SMIM3: variants seen among roughly 807,000 people sequenced by gnomAD.
SMIM3 encodes NGF-induced differentiation clone 67 protein.
Under a neutral mutation model 2.1 loss-of-function variants are expected in SMIM3, and 4 were observed. The observed-to-expected ratio is 1.89, with a 90% CI of 0.93 to 4.31. The LOEUF is 4.31. Ranked by LOEUF, SMIM3 falls within the 30% of genes most tolerant of loss-of-function variation. The pLI is 0.01. For missense variants in SMIM3, 79 were observed against 77.7 expected, an observed-to-expected ratio of 1.02 and a Z score of -0.06; for synonymous variants, 29 against 30.8, an observed-to-expected ratio of 0.94 and a Z score of 0.19.
chr5:150,781,811 G>A (rs1008817546), intron 1 of SMIM3, among the ~76,000 whole-genome samples: 1 of 152,200 alleles, frequency 6.6e-6, no homozygotes, highest in Admixed American at 6.5e-5. Context: ...TTGTTAGCCC[G>A]ACACACAGCA....
At chr5:150,791,808 T>C (rs1454303905) in intron 1 of SMIM3, among the ~76,000 whole-genome samples, 1 of 152,218 alleles carries the variant, frequency 6.6e-6, no homozygotes, top group African/African-American at 2.4e-5. Flanking sequence ...GACTCTATTT[T>C]CAATTATTTG....
rs1753401153 is a variant in SMIM3, at chr5:150,796,024, T to C, written c.*401T>C. ...GGAGATACTGGGGGCAGAGCAGACT[T>C]TGCCAGTGCCCCTCAGGTCAAACCA... is the stretch of plus-strand genomic sequence containing the variant. On this transcript the variant is annotated 3_prime_UTR_variant, in exon 2 of 2. Coordinates refer to ENST00000526627, the MANE Select transcript of SMIM3 (RefSeq NM_032947.5). 1 of 188,840 alleles carries C rather than the reference T, an allele frequency of 5.3e-6. No individual in the cohort carries two copies. The highest frequency in any genetic ancestry group is 2.4e-5 in the African/African-American group (1 of 42,492). 11.7% of individuals were successfully genotyped at this position (188,840 alleles called of 1,614,324 possible). A position where few individuals can be genotyped will look rare whatever the true frequency, so the allele number is the denominator to read the frequency against.
At chr5:150,787,611 T>G (rs940288910) in intron 1 of SMIM3, among the ~76,000 whole-genome samples, 1 of 152,208 alleles carries the variant, frequency 6.6e-6, no homozygotes, top group Non-Finnish European at 1.5e-5. Context: ...CACTTAGCTT[T>G]ATGATCAATG....
intron 1 of SMIM3, among the ~76,000 whole-genome samples, chr5:150,792,637 C>G (rs1753360603): frequency 6.6e-6 from 1 of 152,168 alleles, no homozygotes; most frequent in African/African-American, 2.4e-5. Context: ...TGGGCTCAAG[C>G]AATCCTTCCA....
At position 150,779,594 on chromosome 5, in the gene SMIM3, C is replaced by T. The variant is rs146123263; in HGVS notation, c.-12+622C>T. Among the ~76,000 whole-genome samples the T allele has an allele frequency of 3.5e-3, 532 of 152,280 alleles. 2 individuals are homozygous for T. The highest frequency in any genetic ancestry group is 0.012 in the African/African-American group (479 of 41,550). ...AGGAGAAAGGACATGAGCAAAGTATCTTGGAGAGAAGGCTTCCTTCAAGCT... is the reference window on the plus strand; with the variant it reads ...AGGAGAAAGGACATGAGCAAAGTATTTTGGAGAGAAGGCTTCCTTCAAGCT... On this transcript the variant is annotated intron_variant, in intron 1 of 1. Transcript: ENST00000526627.
intron 1 of SMIM3, among the ~76,000 whole-genome samples, chr5:150,781,917 G>A (rs1753239378): frequency 6.6e-6 from 1 of 152,228 alleles, no homozygotes; most frequent in Non-Finnish European, 1.5e-5. Flanking sequence ...CTAGCTCTCT[G>A]TTGGTTTCTA....
At chr5:150,786,980 A>G (rs1753299963) in intron 1 of SMIM3, among the ~76,000 whole-genome samples, 1 of 152,244 alleles carries the variant, frequency 6.6e-6, no homozygotes. Flanking sequence ...GCTGAGTTGT[A>G]GTCTCTGGGA....
intron 1 of SMIM3, among the ~76,000 whole-genome samples, chr5:150,790,360 C>G (rs755816144): frequency 6.6e-6 from 1 of 152,120 alleles, no homozygotes; most frequent in Non-Finnish European, 1.5e-5. Flanking sequence ...TTCCTTTAGT[C>G]TAAGGCAGCT....
chr5:150,778,767 G>A lies in SMIM3; in HGVS notation c.-217G>A, dbSNP rs746911981. 5 of 456,702 alleles carry A rather than the reference G, an allele frequency of 1.1e-5. No individual in the cohort carries two copies. Among genetic ancestry groups the A allele is most frequent in the Non-Finnish European group, 2.3e-5 (5 of 220,604 alleles). 28.3% of individuals were successfully genotyped at this position (456,702 alleles called of 1,614,324 possible). ...GTCCCCAGCAGCCGCGCATTCCAGA[G>A]CCAGCAGCGCGTCCTGGCCGCTCCT... On this transcript the variant is annotated 5_prime_UTR_variant, in exon 1 of 2. Coordinates refer to ENST00000526627, the MANE Select transcript of SMIM3 (RefSeq NM_032947.5).
At chr5:150,795,289 C>T (rs1753390342) in intron 1 of SMIM3, 141 bp from the exon 2 acceptor site, 1 of 837,408 alleles carries the variant, frequency 1.2e-6, no homozygotes, top group Admixed American at 1.9e-5. Context: ...TAAATGAAGC[C>T]ATTGTAATTA....
chr5:150,785,919 T>G (rs1406733387), intron 1 of SMIM3, among the ~76,000 whole-genome samples: 1 of 152,204 alleles, frequency 6.6e-6, no homozygotes. Context: ...TTCCAATTTA[T>G]GTATTCTGCT....
At chr5:150,791,131 T>C (rs942105231) in intron 1 of SMIM3, among the ~76,000 whole-genome samples, 1 of 152,196 alleles carries the variant, frequency 6.6e-6, no homozygotes, top group African/African-American at 2.4e-5. Flanking sequence ...TAACCACTAT[T>C]AACACTTTCT....
chr5:150,792,413 C>T (rs1753358103), intron 1 of SMIM3, among the ~76,000 whole-genome samples: 1 of 152,180 alleles, frequency 6.6e-6, no homozygotes, highest in African/African-American at 2.4e-5. Flanking sequence ...AGATTTTTGA[C>T]AGAAGTAGTG....
intron 1 of SMIM3, among the ~76,000 whole-genome samples, chr5:150,784,560 CT>C (rs1331991354): frequency 1.3e-5 from 2 of 152,058 alleles, no homozygotes; most frequent in African/African-American, 4.8e-5. Context: ...ATCACTTTAC[CT>C]TTTTGGTATC....
intron 1 of SMIM3, among the ~76,000 whole-genome samples, chr5:150,784,240 T>A (rs918464044): frequency 5.9e-5 from 9 of 152,334 alleles, no homozygotes; most frequent in African/African-American, 1.9e-4. Flanking sequence ...AAGTGCTTTA[T>A]GCGCATTAGC....
At chr5:150,795,309 G>C in intron 1 of SMIM3, 121 bp from the exon 2 acceptor site, 2 of 1,008,808 alleles carry the variant, frequency 2.0e-6, no homozygotes, top group East Asian at 2.4e-5. Context: ...ACTAATCAGG[G>C]AACCTTAAAG....
intron 1 of SMIM3, among the ~76,000 whole-genome samples, chr5:150,786,524 T>C (rs899662259): frequency 6.6e-6 from 1 of 152,222 alleles, no homozygotes; most frequent in Non-Finnish European, 1.5e-5. Flanking sequence ...TGAGCTCAAG[T>C]GATCCACCTG....
At chr5:150,788,215 A>T (rs1265961588) in intron 1 of SMIM3, among the ~76,000 whole-genome samples, 1 of 152,172 alleles carries the variant, frequency 6.6e-6, no homozygotes, top group Non-Finnish European at 1.5e-5. Flanking sequence ...TTCTTTTGCA[A>T]AAAGAACTTT....
At chr5:150,791,129 A>C (rs887827418) in intron 1 of SMIM3, among the ~76,000 whole-genome samples, 1 of 152,208 alleles carries the variant, frequency 6.6e-6, no homozygotes. Flanking sequence ...GGTAACCACT[A>C]TTAACACTTT....
Sources: gnomAD v4.1 joint callset for allele counts (sites outside exome capture counted in the v4.1 genomes callset) on GRCh38, gnomAD v4.1.1 for gene constraint, MANE v1.5 for transcripts, NCBI Gene and HGNC (gene_info 2026-07-23, HGNC 2026-07-21) for gene names.